PTPN22: variants seen among roughly 807,000 people sequenced by gnomAD.
The protein encoded by PTPN22 is protein tyrosine phosphatase non-receptor type 22.
A neutral mutation model predicts 103.3 loss-of-function variants in PTPN22; 85 were observed. The ratio of observed to expected loss-of-function variants is 0.82; its 90% confidence interval spans 0.69 to 0.99. The LOEUF (loss-of-function observed/expected upper bound fraction) is 0.99, where lower values mean the gene tolerates loss of function less well. Ranked by LOEUF, PTPN22 falls within the 50% of genes least tolerant of loss-of-function variation. The pLI is 0.00. For synonymous variants in PTPN22, 323 were observed against 310.2 expected (o/e 1.04, Z -0.43); for missense variants, 865 against 936.9 (o/e 0.92, Z 1.00).
rs888679088 is a variant in PTPN22 at position 113,825,804 on chromosome 1, C to T, written c.2251-632G>A. Among the ~76,000 whole-genome samples, 7 of 152,074 alleles carry T rather than the reference C, an allele frequency of 4.6e-5. No homozygotes were observed. The East Asian group carries it at 7.8e-4, about 17-fold the overall frequency. On this transcript the variant is annotated intron_variant, in intron 18 of 20. Coordinates refer to ENST00000359785, the Ensembl canonical transcript of PTPN22. ...TCTCAGCTCACTGCAACCTCTGCCT[C>T]CCGGGTTCAAGCGATCCTTCTGCCT...
intron 3 of PTPN22, 36 bp from the exon 4 acceptor site, chr1:113,858,609 A>G (rs1217418): frequency 0.56 from 715,735 of 1,284,472 alleles, 205,272 homozygotes; most frequent in South Asian, 0.66. Context: ...GGTGACTACA[A>G]ATAATACCCT....
chr1:113,846,893 G>GT (rs544828831), intron 11 of PTPN22, among the ~76,000 whole-genome samples: 199 of 150,374 alleles, frequency 1.3e-3, no homozygotes, highest in Middle Eastern at 3.4e-3. Context: ...CTTTTTTGTC[G>GT]TTTTTTGTTT....
At chr1:113,858,684 G>T in intron 3 of PTPN22, 111 bp from the exon 4 acceptor site, 1 of 754,758 alleles carries the variant, frequency 1.3e-6, no homozygotes, top group Non-Finnish European at 2.1e-6. Context: ...GTGTTACCCA[G>T]GCTGGAGTGC....
At chr1:113,851,727 AGTC>A (rs2102063576) in intron 10 of PTPN22, among the ~76,000 whole-genome samples, 1 of 152,322 alleles carries the variant, frequency 6.6e-6, no homozygotes, top group South Asian at 2.1e-4. Flanking sequence ...CAAGTCCACA[AGTC>A]AGTTTGTTGA....
intron 11 of PTPN22, among the ~76,000 whole-genome samples, chr1:113,847,979 T>C (rs1440052074): frequency 6.6e-6 from 1 of 151,946 alleles, no homozygotes; most frequent in African/African-American, 2.4e-5. Context: ...GAACAATCCT[T>C]CCACCTTGGC....
At chr1:113,814,864 G>T in exon 21 of PTPN22, 1 of 1,395,368 alleles carries the variant, frequency 7.2e-7, no homozygotes, top group African/African-American at 1.4e-5. Context: ...TTTATTTGCA[G>T]GTGTACTTGC....
chr1:113,836,694 A>G (rs1044066432), intron 13 of PTPN22, among the ~76,000 whole-genome samples: 4 of 151,460 alleles, frequency 2.6e-5, no homozygotes, highest in Non-Finnish European at 5.9e-5. Context: ...TTGGGAGGCC[A>G]AGGTGGGAGG....
At chr1:113,857,548 AAAC>A in intron 5 of PTPN22, 187 bp downstream of exon 5, 1 of 546,344 alleles carries the variant, frequency 1.8e-6, no homozygotes. Flanking sequence ...TCTACTGAGA[AAAC>A]AAACAAATAG....
chr1:113,858,425 C>T, intron 4 of PTPN22, 53 bp downstream of exon 4: 2 of 1,330,750 alleles, frequency 1.5e-6, no homozygotes, highest in Non-Finnish European at 2.1e-6. Flanking sequence ...TTTTTAAAAG[C>T]ACTGTTTTTA....
chr1:113,836,782 C>T lies in PTPN22; in HGVS notation c.1810+808G>A, dbSNP rs534608076. On this transcript the variant is annotated intron_variant, in intron 13 of 20. Transcript: ENST00000359785. Reference sequence around the variant, plus strand: ...ATTTCTAAAAAAAAAAAAAATTAGCCAGGCATGGTGGCGTGTCCCTGTGGT... The same window carrying T: ...ATTTCTAAAAAAAAAAAAAATTAGCTAGGCATGGTGGCGTGTCCCTGTGGT... Among the ~76,000 whole-genome samples, 293 of 151,740 alleles carry T rather than the reference C, an allele frequency of 1.9e-3. 1 individual carries two copies. Among genetic ancestry groups the T allele is most frequent in the African/African-American group, 6.6e-3 (274 of 41,342 alleles).
At chr1:113,861,544 T>A (rs1335463365) in intron 1 of PTPN22, among the ~76,000 whole-genome samples, 1 of 151,616 alleles carries the variant, frequency 6.6e-6, no homozygotes, top group Non-Finnish European at 1.5e-5. Flanking sequence ...CCGGCCAATT[T>A]TTTTTTGTAT....
intron 19 of PTPN22, chr1:113,823,245 T>C (rs900013926): frequency 1.3e-5 from 2 of 152,138 alleles, no homozygotes; most frequent in Non-Finnish European, 2.9e-5. Context: ...CAAATATTCA[T>C]TGAATGAATG....
chr1:113,821,718 T>G (rs1156810689), intron 19 of PTPN22, among the ~76,000 whole-genome samples: 1 of 152,202 alleles, frequency 6.6e-6, no homozygotes, highest in Non-Finnish European at 1.5e-5. Flanking sequence ...TCCCCAGTTT[T>G]CAGTTCCCGT....
chr1:113,835,894 G>A (rs1053831427), intron 13 of PTPN22, among the ~76,000 whole-genome samples: 1 of 151,664 alleles, frequency 6.6e-6, no homozygotes, highest in Non-Finnish European at 1.5e-5. Flanking sequence ...GGCACATGAC[G>A]ATATTGTTAC....
intron 19 of PTPN22, among the ~76,000 whole-genome samples, chr1:113,821,486 TA>T: frequency 6.6e-6 from 1 of 151,960 alleles, no homozygotes; most frequent in East Asian, 1.9e-4. Context: ...CACGCCTGGG[TA>T]AATTTTTTGT....
chr1:113,849,145 G>C (rs1664340193), intron 10 of PTPN22, among the ~76,000 whole-genome samples: 1 of 152,094 alleles, frequency 6.6e-6, no homozygotes, highest in Admixed American at 6.5e-5. Context: ...GTTTATCCCA[G>C]GTCATTCAGA....
At chr1:113,838,373 T>A (rs1176754005) in exon 13 of PTPN22, 1 of 1,594,206 alleles carries the variant, frequency 6.3e-7, no homozygotes. Context: ...ATTTTTGTCC[T>A]TTGTTGGTTC....
rs981418128 is a variant in PTPN22, at chr1:113,838,208, G to T, written c.1192C>A (p.Gln398Lys). 3 of 1,613,926 alleles carry T rather than the reference G, an allele frequency of 1.9e-6. No individual in the cohort carries two copies. The African/African-American group carries it at 4.0e-5, about 22-fold the overall frequency. ...CCAACTATTGGAAATGCCTTTGTCT[G>T]CCATTTCATGGTTGTGTCAGCATTT... Residue 398 changes from glutamine to lysine, a missense_variant, in exon 13 of 21, where the codon CAG becomes AAG. This residue lies in a region of PTPN22 where 457 missense variants were observed against 529.1 expected (regional missense o/e 0.86). Coordinates refer to ENST00000359785, the Ensembl canonical transcript of PTPN22.
exon 13 of PTPN22, chr1:113,838,256 C>T: frequency 2.8e-5 from 45 of 1,614,042 alleles, no homozygotes; most frequent in Non-Finnish European, 3.8e-5. Flanking sequence ...TAATTTAGCT[C>T]CAGAAAGTCA....
Sources: allele counts gnomAD v4.1 joint callset (sites outside exome capture counted in the v4.1 genomes callset), GRCh38; gene constraint gnomAD v4.1.1; regional missense constraint gnomAD v4.1.1; transcripts MANE v1.5; gene names NCBI Gene and HGNC (gene_info 2026-07-23, HGNC 2026-07-21).